Variants in NALF1 observed in about 807,000 individuals in gnomAD.
The protein encoded by NALF1 is NALCN channel auxiliary factor 1.
Under a neutral mutation model 48.4 loss-of-function variants are expected in NALF1, and 3 were observed. That is an observed-to-expected ratio of 0.06 (90% CI 0.03 to 0.16). The LOEUF (loss-of-function observed/expected upper bound fraction) is 0.16. Ranked by LOEUF, NALF1 falls within the 10% of genes least tolerant of loss-of-function variation. NALF1 has a pLI of 1.00. For synonymous variants in NALF1, 262 were observed against 245.7 expected, an observed-to-expected ratio of 1.07 and a Z score of -0.62; for missense variants, 526 against 571.5, an observed-to-expected ratio of 0.92 and a Z score of 0.81.
chr13:107,479,535 C>T (rs1237854205), intron 1 of NALF1, among the ~76,000 whole-genome samples: 1 of 152,024 alleles, frequency 6.6e-6, no homozygotes, highest in Non-Finnish European at 1.5e-5. Flanking sequence ...TATGTATCCA[C>T]CTTCATAATT....
At chr13:107,399,856 AC>A (rs1162650698) in intron 1 of NALF1, among the ~76,000 whole-genome samples, 1 of 152,172 alleles carries the variant, frequency 6.6e-6, no homozygotes, top group African/African-American at 2.4e-5. Context: ...AACGAGGTAC[AC>A]ATAATTATAG....
intron 1 of NALF1, among the ~76,000 whole-genome samples, chr13:107,730,998 CT>C (rs1566460695): frequency 6.6e-6 from 1 of 152,182 alleles, no homozygotes; most frequent in African/African-American, 2.4e-5. Context: ...GAATGTCGAT[CT>C]CTGAGAGAGA....
intron 1 of NALF1, among the ~76,000 whole-genome samples, chr13:107,400,059 C>G (rs1883778625): frequency 6.6e-6 from 1 of 152,078 alleles, no homozygotes; most frequent in African/African-American, 2.4e-5. Context: ...ATGACATTAA[C>G]TTAATACTAT....
At chr13:107,778,840 C>G (rs74986568) in intron 1 of NALF1, among the ~76,000 whole-genome samples, 3,659 of 152,242 alleles carry the variant, frequency 0.024, 122 homozygotes, top group African/African-American at 0.084. Context: ...TCCCTGAAAA[C>G]AGCCTGTGGC....
At chr13:107,254,062 A>AAAAATATATATATATATATATATAT in intron 1 of NALF1, among the ~76,000 whole-genome samples, 2 of 138,582 alleles carry the variant, frequency 1.4e-5, no homozygotes, top group African/African-American at 5.4e-5. Context: ...CAAGTACTAA[A>AAAAATATATATATATATATATATAT]ATATATATAT....
rs373044287 is a variant in NALF1 at position 107,636,757 on chromosome 13, T to G, written c.915+228925A>C. 6.6e-5 allele frequency among the ~76,000 whole-genome samples: 10 copies of G among 151,914 alleles called. No individual in the cohort carries two copies. In the East Asian group the frequency reaches 1.4e-3, roughly 21 times the overall value. ...CCAGTACAGCAAAGTTATTTTCTAT[T>G]TTTCTTAATACTGCCCAGTATTTAA... On this transcript the variant is annotated intron_variant, in intron 1 of 2. Coordinates refer to ENST00000375915, the MANE Select transcript of NALF1 (RefSeq NM_001080396.3).
intron 1 of NALF1, among the ~76,000 whole-genome samples, chr13:107,237,968 T>TA (rs1338498530): frequency 6.6e-6 from 1 of 152,144 alleles, no homozygotes; most frequent in Non-Finnish European, 1.5e-5. Context: ...CACTAGAAGA[T>TA]AGAGTGTATG....
chr13:107,178,955 CA>C (rs546193415), intron 2 of NALF1, among the ~76,000 whole-genome samples: 119 of 125,274 alleles, frequency 9.5e-4, no homozygotes, highest in African/African-American at 2.5e-3. Context: ...AAAAAACAAA[CA>C]AAAAAAAAAA....
rs1877054541 is a variant in NALF1 at position 107,543,672 on chromosome 13, GGTATATATATACGCGTATATACAC to G, written c.915+321986_915+322009del. On this transcript the variant is annotated intron_variant, in intron 1 of 2. Transcript: ENST00000375915. ...GGAACGGTCTGCATATAGATGTGTG[GGTATATATATACGCGTATATACAC>G]GTATATATATACACACACACATACA... Among the ~76,000 whole-genome samples the G allele has an allele frequency of 2.7e-5, 4 of 150,670 alleles. No individual in the cohort carries two copies. The South Asian group carries it at 8.4e-4, about 32-fold the overall frequency.
At chr13:107,361,309 C>T (rs1594136934) in intron 1 of NALF1, among the ~76,000 whole-genome samples, 1 of 152,216 alleles carries the variant, frequency 6.6e-6, no homozygotes, top group Admixed American at 6.5e-5. Flanking sequence ...TGCAGGAAGT[C>T]CACCGAATGA....
At chr13:107,694,144 A>G (rs1325492890) in intron 1 of NALF1, among the ~76,000 whole-genome samples, 1 of 152,172 alleles carries the variant, frequency 6.6e-6, no homozygotes, top group Non-Finnish European at 1.5e-5. Context: ...AACACGGATG[A>G]GGGGTTTTAC....
intron 1 of NALF1, among the ~76,000 whole-genome samples, chr13:107,454,607 G>A (rs983934076): frequency 1.3e-5 from 2 of 152,108 alleles, no homozygotes; most frequent in Non-Finnish European, 2.9e-5. Flanking sequence ...GAGACACAAA[G>A]TCTAACCATA....
chr13:107,308,259 T>A (rs1194812032), intron 1 of NALF1, among the ~76,000 whole-genome samples: 2 of 143,386 alleles, frequency 1.4e-5, no homozygotes, highest in Non-Finnish European at 3.0e-5. Flanking sequence ...TGGAGTCCAG[T>A]GGCGTGACCT....
intron 1 of NALF1, among the ~76,000 whole-genome samples, chr13:107,493,321 T>C (rs547596274): frequency 6.6e-6 from 1 of 152,272 alleles, no homozygotes; most frequent in African/African-American, 2.4e-5. Flanking sequence ...ATTTACTTAG[T>C]GCCTTTTCCT....
intron 1 of NALF1, among the ~76,000 whole-genome samples, chr13:107,583,274 A>ACC (rs1878364196): frequency 6.6e-6 from 1 of 152,064 alleles, no homozygotes; most frequent in Non-Finnish European, 1.5e-5. Flanking sequence ...TTTTTGCAAG[A>ACC]ATGAGTTTAA....
At chr13:107,528,649 G>C (rs1018112683) in intron 1 of NALF1, among the ~76,000 whole-genome samples, 1 of 152,088 alleles carries the variant, frequency 6.6e-6, no homozygotes, top group African/African-American at 2.4e-5. Flanking sequence ...GAATAAATTT[G>C]GGTCAACATA....
At chr13:107,462,613 G>T (rs1308816916) in intron 1 of NALF1, among the ~76,000 whole-genome samples, 3 of 152,200 alleles carry the variant, frequency 2.0e-5, no homozygotes, top group Non-Finnish European at 4.4e-5. Context: ...ACTGGCCCCT[G>T]CCTGGCTCCT....
At chr13:107,511,041 C>T (rs889507400) in intron 1 of NALF1, among the ~76,000 whole-genome samples, 4 of 152,134 alleles carry the variant, frequency 2.6e-5, no homozygotes, top group Admixed American at 6.6e-5. Flanking sequence ...TGCCCTAAAC[C>T]GTCTGAGTCC....
intron 1 of NALF1, among the ~76,000 whole-genome samples, chr13:107,753,484 C>T (rs1366148613): frequency 2.0e-5 from 3 of 150,546 alleles, no homozygotes; most frequent in Non-Finnish European, 4.4e-5. Context: ...CATAACAAAA[C>T]CAAGGCAGTC....
Sources: allele counts gnomAD v4.1 joint callset (sites outside exome capture counted in the v4.1 genomes callset), GRCh38; gene constraint gnomAD v4.1.1; transcripts MANE v1.5; gene names NCBI Gene and HGNC (gene_info 2026-07-23, HGNC 2026-07-21).